The following TRIM32 variants were observed in gnomAD, a reference collection of about 807,000 sequenced individuals.
The protein encoded by TRIM32 is tripartite motif containing 32.
TRIM32 carries 19 observed loss-of-function variants against 36.0 expected under a neutral mutation model. The ratio of observed to expected loss-of-function variants is 0.53; its 90% CI spans 0.37 to 0.77. TRIM32 has a LOEUF of 0.77. Ranked by LOEUF, TRIM32 falls within the 30% of genes least tolerant of loss-of-function variation. The pLI is 0.00. For missense variants in TRIM32, 747 were observed against 845.2 expected (o/e 0.88, Z 1.44); for synonymous variants, 309 against 318.5 (o/e 0.97, Z 0.32).
chr9:116,688,884 A>AG (rs985615504), intron 1 of TRIM32, among the ~76,000 whole-genome samples: 12 of 151,940 alleles, frequency 7.9e-5, no homozygotes, highest in Non-Finnish European at 1.3e-4. Context: ...CACCAGAAAA[A>AG]AAAAAGGGAA....
intron 1 of TRIM32, among the ~76,000 whole-genome samples, chr9:116,696,160 C>T (rs773963132): frequency 6.6e-5 from 10 of 152,086 alleles, no homozygotes; most frequent in South Asian, 4.1e-4. Flanking sequence ...TTGAAAATGA[C>T]GCTCAAAAAT....
At chr9:116,697,175 A>G (rs1860904964) in intron 1 of TRIM32, among the ~76,000 whole-genome samples, 1 of 152,156 alleles carries the variant, frequency 6.6e-6, no homozygotes, top group Non-Finnish European at 1.5e-5. Flanking sequence ...TACTGTGCAT[A>G]ATTCTCCTGT....
chr9:116,699,217 A>G lies in TRIM32; in HGVS notation c.1475A>G (p.Lys492Arg). The G allele has an allele frequency of 6.2e-7, 1 of 1,614,220 alleles. No individual in the cohort carries two copies. Among genetic ancestry groups the G allele is most frequent in the Non-Finnish European group, 8.5e-7 (1 of 1,180,046 alleles). ...GTAGTAACCGATGTGGAAGGTGGAAAGCTTTGGTGTTTCACAGTTGATCGA... is the reference window on the plus strand; with the variant it reads ...GTAGTAACCGATGTGGAAGGTGGAAGGCTTTGGTGTTTCACAGTTGATCGA... ...QFVVTDVEGGKLWCFTVDRGS... is the reference protein window; with the variant it reads ...QFVVTDVEGGRLWCFTVDRGS... The change falls in exon 2 of 2, where the codon AAG becomes AGG. Residue 492 changes from lysine to arginine, a missense_variant. Coordinates refer to ENST00000450136, the MANE Select transcript of TRIM32 (RefSeq NM_012210.4). The surrounding 1 kb of genome is among the most constrained non-coding windows in gnomAD (Gnocchi z 4.2).
At position 116,698,403 on chromosome 9, in the gene TRIM32, G is replaced by A. The variant is rs758553325; in HGVS notation, c.661G>A (p.Val221Ile). ...AGTTGAGAAGTCCAATAGTCAAGTG[G>A]TAGAGGAGCAGAGTTACCTGCTTAA... ...AEVEKSNSQV[V>I]EEQSYLLNIA... Residue 221 changes from valine to isoleucine, a missense_variant, in exon 2 of 2, where the codon GTA (valine) becomes ATA (isoleucine). Transcript: ENST00000450136. The surrounding 1 kb of genome is among the most constrained non-coding windows in gnomAD (Gnocchi z 4.4). The A allele has an allele frequency of 1.2e-6, 2 of 1,614,136 alleles. No individual in the cohort carries two copies. Among genetic ancestry groups the A allele is most frequent in the East Asian group, 2.2e-5 (1 of 44,858 alleles).
rs1413471258 is a variant in TRIM32, at chr9:116,701,146, G to T, written c.*1442G>T. The T allele has an allele frequency of 3.0e-5, 5 of 167,060 alleles. No individual in the cohort carries two copies. Among genetic ancestry groups the T allele is most frequent in the African/African-American group, 1.2e-4 (5 of 41,436 alleles). 10.3% of individuals were successfully genotyped at this position (167,060 alleles called of 1,614,324 possible). A position where few individuals can be genotyped will look rare whatever the true frequency, so the allele number is the denominator to read the frequency against. Reference sequence around the variant, plus strand: ...TCTTACTCTAGGTGCAGGGCTGATGGCAAGCCAAAGAGCAACTGCCTTACT... The same window carrying T: ...TCTTACTCTAGGTGCAGGGCTGATGTCAAGCCAAAGAGCAACTGCCTTACT... On this transcript the variant is annotated 3_prime_UTR_variant, in exon 2 of 2. Transcript: ENST00000450136.
intron 1 of TRIM32, among the ~76,000 whole-genome samples, chr9:116,694,278 A>C (rs1860720962): frequency 6.6e-6 from 1 of 152,112 alleles, no homozygotes; most frequent in Admixed American, 6.5e-5. Context: ...AGCCTTGTTT[A>C]ATAAACTGAT....
chr9:116,688,739 G>A (rs1860408877), intron 1 of TRIM32, among the ~76,000 whole-genome samples: 1 of 152,162 alleles, frequency 6.6e-6, no homozygotes, highest in Non-Finnish European at 1.5e-5. Flanking sequence ...AGCTACGATA[G>A]CAGATAGAAA....
Position 116,699,018 on chromosome 9 carries a change from C to G in TRIM32, c.1276C>G (p.Leu426Val), listed in dbSNP as rs767176438. ...SFVLSFLGAD[L>V]PNLTPLSVAM... ...TGTGCTAAGCTTCCTTGGGGCAGAT[C>G]TACCCAACCTCACTCCTCTCTCAGT... Residue 426 changes from leucine (L) to valine (V), a missense_variant, in exon 2 of 2, where the codon CTA becomes GTA. Coordinates refer to ENST00000450136, the MANE Select transcript of TRIM32 (RefSeq NM_012210.4). The surrounding 1 kb of genome is among the most constrained non-coding windows in gnomAD (Gnocchi z 4.2). 3 of 1,614,162 alleles carry G rather than the reference C, an allele frequency of 1.9e-6. No homozygotes were observed. The highest frequency in any genetic ancestry group is 2.5e-6 in the Non-Finnish European group (3 of 1,180,020).
At position 116,697,635 on chromosome 9, in the gene TRIM32, T is replaced by C. The variant is rs1860932491; in HGVS notation, c.-81-27T>C. On this transcript the variant is annotated intron_variant, in intron 1 of 1. Coordinates refer to ENST00000450136, the MANE Select transcript of TRIM32 (RefSeq NM_012210.4). Reference sequence around the variant, plus strand: ...ATTTATTTATATAGTCAGAGGAAAATGAATAATGGTTTCTTTTTCTCTTTA... The same window carrying C: ...ATTTATTTATATAGTCAGAGGAAAACGAATAATGGTTTCTTTTTCTCTTTA... 5 of 1,385,298 alleles carry C rather than the reference T, an allele frequency of 3.6e-6. No individual in the cohort carries two copies. The South Asian group carries it at 6.1e-5, about 17-fold the overall frequency. 85.8% of individuals were successfully genotyped at this position (1,385,298 alleles called of 1,614,324 possible). A position where few individuals can be genotyped will look rare whatever the true frequency, so the allele number is the denominator to read the frequency against.
At position 116,697,690 on chromosome 9, in the gene TRIM32, ACTGTGCTGTTCAGTTCTGAG is replaced by A; in HGVS notation, c.-45_-26del. ...GAATTTGACCCTCTAGGGCATGAAT[ACTGTGCTGTTCAGTTCTGAG>A]CTGTGCTAGCAATACCCTTCAAAGG... On this transcript the variant is annotated 5_prime_UTR_variant, in exon 2 of 2. The change abolishes the stop of an existing upstream ORF in the 5' untranslated region. Coordinates refer to ENST00000450136, the MANE Select transcript of TRIM32 (RefSeq NM_012210.4). 1 of 1,609,884 alleles carries A rather than the reference ACTGTGCTGTTCAGTTCTGAG, an allele frequency of 6.2e-7. No individual in the cohort carries two copies. The highest frequency in any genetic ancestry group is 1.1e-5 in the South Asian group (1 of 90,762).
intron 1 of TRIM32, among the ~76,000 whole-genome samples, chr9:116,687,608 G>T (rs1238104195): frequency 1.3e-5 from 2 of 151,214 alleles, no homozygotes; most frequent in Non-Finnish European, 3.0e-5. Context: ...TGCAGCTGGG[G>T]GAGGGGAGCG....
At chr9:116,696,427 A>C (rs1225304450) in intron 1 of TRIM32, among the ~76,000 whole-genome samples, 6 of 152,246 alleles carry the variant, frequency 3.9e-5, no homozygotes, top group Non-Finnish European at 8.8e-5. Context: ...AAATGCATAG[A>C]GTTTAAGTAT....
At chr9:116,689,391 A>G (rs1188788133) in intron 1 of TRIM32, among the ~76,000 whole-genome samples, 1 of 152,244 alleles carries the variant, frequency 6.6e-6, no homozygotes, top group Non-Finnish European at 1.5e-5. Flanking sequence ...GATCTGGCAC[A>G]TAGTAAGTTC....
Position 116,698,642 on chromosome 9 carries a change from A to G in TRIM32, c.900A>G (p.Thr300=), listed in dbSNP as rs756141939. 9 of 1,614,044 alleles carry G rather than the reference A, an allele frequency of 5.6e-6. No homozygotes were observed. The highest frequency in any genetic ancestry group is 7.6e-6 in the Non-Finnish European group (9 of 1,180,030). Residue 300 remains threonine, a synonymous_variant, in exon 2 of 2, where the codon ACA becomes ACG. Coordinates refer to ENST00000450136, the MANE Select transcript of TRIM32 (RefSeq NM_012210.4). This position sits in a 1 kb window ranked among gnomAD's most constrained non-coding sequence, Gnocchi z 4.4. ...QIGQAVKKPR[T]VNVEDSWAME... ...GACAAGCTGTTAAGAAGCCCCGGAC[A>G]GTTAACGTGGAAGATTCCTGGGCCA...
At position 116,692,191 on chromosome 9, in the gene TRIM32, G is replaced by T. The variant is rs1385936913; in HGVS notation, c.-82+4810G>T. On this transcript the variant is annotated intron_variant, in intron 1 of 1. Transcript: ENST00000450136. ...ATATCTAGAGAACCACCCCATGGTGGCAATTCAAGCATTAGGTGAAGATTT... is the reference window on the plus strand; with the variant it reads ...ATATCTAGAGAACCACCCCATGGTGTCAATTCAAGCATTAGGTGAAGATTT... Among the ~76,000 whole-genome samples the T allele has an allele frequency of 2.0e-5, 3 of 152,200 alleles. No homozygotes were observed. In the South Asian group the frequency reaches 6.2e-4, roughly 32 times the overall value.
chr9:116,693,862 A>T (rs1484451133), intron 1 of TRIM32, among the ~76,000 whole-genome samples: 1 of 152,312 alleles, frequency 6.6e-6, no homozygotes, highest in East Asian at 1.9e-4. Context: ...GTATTACAGT[A>T]ATGACCAGAT....
At chr9:116,696,037 C>T (rs149419526) in intron 1 of TRIM32, among the ~76,000 whole-genome samples, 32 of 152,266 alleles carry the variant, frequency 2.1e-4, no homozygotes, top group South Asian at 8.3e-4. Context: ...CCACCACCTG[C>T]TCCCTAGTTC....
At position 116,700,183 on chromosome 9, in the gene TRIM32, G is replaced by T. The variant is rs543534409; in HGVS notation, c.*479G>T. ...TCAGTGGGATCTGCTCCACCTTTCA[G>T]TGACATTTAAGACATCATATTCCCG... On this transcript the variant is annotated 3_prime_UTR_variant, in exon 2 of 2. Coordinates refer to ENST00000450136, the MANE Select transcript of TRIM32 (RefSeq NM_012210.4). 2.2e-4 allele frequency: 46 copies of T among 206,674 alleles called. 1 individual carries two copies. In the South Asian group the frequency reaches 5.0e-3, roughly 22 times the overall value. 12.8% of individuals were successfully genotyped at this position (206,674 alleles called of 1,614,324 possible).
intron 1 of TRIM32, among the ~76,000 whole-genome samples, chr9:116,689,761 T>C (rs1230235448): frequency 6.6e-6 from 1 of 152,162 alleles, no homozygotes; most frequent in African/African-American, 2.4e-5. Context: ...CCCTGGACTT[T>C]GTTCTTGGTT....
Sources: allele counts gnomAD v4.1 joint callset (sites outside exome capture counted in the v4.1 genomes callset), GRCh38; gene constraint gnomAD v4.1.1; non-coding constraint Gnocchi (gnomAD v3.1); transcripts MANE v1.5; gene names NCBI Gene and HGNC (gene_info 2026-07-23, HGNC 2026-07-21).